RNF6: variants seen among roughly 807,000 people sequenced by gnomAD.
The protein encoded by RNF6 is ring finger protein 6.
RNF6 carries 21 observed loss-of-function variants against 50.1 expected under a neutral mutation model. The ratio of observed to expected loss-of-function variants is 0.42; its 90% confidence interval spans 0.30 to 0.60. RNF6 has a LOEUF of 0.60. RNF6 is among the 20% of genes least tolerant of loss of function. The probability of loss-of-function intolerance (pLI) is 0.20; values close to 1 mark genes in which losing one functional copy is unlikely to be tolerated. For missense variants in RNF6, 698 were observed against 838.2 expected (o/e 0.83, Z 2.07); for synonymous variants, 255 against 291.8 (o/e 0.87, Z 1.29).
chr13:26,219,151 T>C, intron 3 of RNF6: 1 of 204,782 alleles, frequency 4.9e-6, no homozygotes, highest in Non-Finnish European at 9.6e-6. Flanking sequence ...TTAAGTCATA[T>C]TTTATTTGTA....
At chr13:26,175,061 A>T (rs953260355) in intron 5 of RNF6, among the ~76,000 whole-genome samples, 1 of 152,092 alleles carries the variant, frequency 6.6e-6, no homozygotes, top group African/African-American at 2.4e-5. Flanking sequence ...ATTAACCAAG[A>T]TGCTCCCCAT....
At chr13:26,215,864 G>T (rs937719098) in intron 4 of RNF6, among the ~76,000 whole-genome samples, 2 of 152,116 alleles carry the variant, frequency 1.3e-5, no homozygotes, top group African/African-American at 4.8e-5. Flanking sequence ...CTTTCTATCT[G>T]CCCATTACTA....
At chr13:26,142,535 C>T (rs111314589) in intron 5 of RNF6, among the ~76,000 whole-genome samples, 1,553 of 152,220 alleles carry the variant, frequency 0.01, 26 homozygotes, top group African/African-American at 0.035. Context: ...TGGAATACTA[C>T]GCAGCCATAA....
At chr13:26,171,850 T>G (rs985056279) in intron 5 of RNF6, among the ~76,000 whole-genome samples, 2 of 152,166 alleles carry the variant, frequency 1.3e-5, no homozygotes, top group Non-Finnish European at 2.9e-5. Flanking sequence ...CTTAGACTAG[T>G]CAAATTCATA....
chr13:26,195,718 A>G (rs1017776035), intron 5 of RNF6, among the ~76,000 whole-genome samples: 1 of 152,220 alleles, frequency 6.6e-6, no homozygotes, highest in Non-Finnish European at 1.5e-5. Context: ...AAACAAGTAT[A>G]TCTGTCTCCA....
intron 5 of RNF6, among the ~76,000 whole-genome samples, chr13:26,203,124 A>G (rs926787553): frequency 1.3e-5 from 2 of 152,228 alleles, no homozygotes; most frequent in African/African-American, 4.8e-5. Flanking sequence ...ATCTGTCACC[A>G]AAGTCTGTGT....
In RNF6 at chr13:26,214,952, T is replaced by G. The variant is rs1206531325; in HGVS notation, c.930A>C (p.Arg310=). The part of the protein sequence containing the change: ...PIRLRSTSNS[R]SRSPIQRQSG... ...TCTGTCTCTGAATTGGTGAACGGCTTCGACTATTGGAAGTAGATCGTAATC... is the reference window on the plus strand; with the variant it reads ...TCTGTCTCTGAATTGGTGAACGGCTGCGACTATTGGAAGTAGATCGTAATC... The change falls in exon 5 of 5, where the codon CGA becomes CGC. Residue 310 remains arginine (R), a synonymous_variant. Coordinates refer to ENST00000381588, the MANE Select transcript of RNF6 (RefSeq NM_005977.4). 1 of 1,614,096 alleles carries G rather than the reference T, an allele frequency of 6.2e-7. No homozygotes were observed. Among genetic ancestry groups the G allele is most frequent in the East Asian group, 2.2e-5 (1 of 44,890 alleles).
At chr13:26,182,972 T>C (rs1363412157) in intron 5 of RNF6, among the ~76,000 whole-genome samples, 1 of 152,228 alleles carries the variant, frequency 6.6e-6, no homozygotes, top group African/African-American at 2.4e-5. Context: ...GTAAGAATTC[T>C]GGGAGATTTG....
chr13:26,139,832 TTTTTC>T (rs1242486427), intron 5 of RNF6, among the ~76,000 whole-genome samples: 5 of 152,126 alleles, frequency 3.3e-5, no homozygotes, highest in African/African-American at 1.2e-4. Flanking sequence ...GTATCTTACT[TTTTTC>T]TTTTCTTTTC....
At chr13:26,176,587 C>G (rs773248770) in intron 5 of RNF6, among the ~76,000 whole-genome samples, 1 of 152,134 alleles carries the variant, frequency 6.6e-6, no homozygotes, top group African/African-American at 2.4e-5. Flanking sequence ...GTATTCAAGT[C>G]GAGATGTTTA....
At chr13:26,217,480 C>A (rs1289335510) in intron 4 of RNF6, among the ~76,000 whole-genome samples, 1 of 152,204 alleles carries the variant, frequency 6.6e-6, no homozygotes, top group Non-Finnish European at 1.5e-5. Context: ...AGACTAAGTT[C>A]TCATGAATGG....
At position 26,222,273 on chromosome 13, in the gene RNF6, G is replaced by T. The variant is rs1006163291; in HGVS notation, c.-372C>A. The stretch of plus-strand genomic sequence containing the variant: ...CAGCCACGCCGCCCACTTGGCGGCG[G>T]GGAGTCGCTCCGCAGCCGGCCCGGA... On this transcript the variant is annotated 5_prime_UTR_variant, in exon 1 of 5. Coordinates refer to ENST00000381588, the MANE Select transcript of RNF6 (RefSeq NM_005977.4). 1 of 152,312 alleles carries T rather than the reference G, an allele frequency of 6.6e-6. No individual in the cohort carries two copies. The highest frequency in any genetic ancestry group is 2.4e-5 in the African/African-American group (1 of 41,460). 9.4% of individuals were successfully genotyped at this position (152,312 alleles called of 1,614,324 possible). A position where few individuals can be genotyped will look rare whatever the true frequency, so the allele number is the denominator to read the frequency against.
At chr13:26,221,510 CT>C (rs1566446765) in intron 1 of RNF6, 180 bp from the exon 2 acceptor site, 1 of 152,254 alleles carries the variant, frequency 6.6e-6, no homozygotes, top group Non-Finnish European at 1.5e-5. Flanking sequence ...CGCAAGGCCC[CT>C]ACCTTCCGCA....
At chr13:26,139,205 A>G (rs1004551756) in intron 5 of RNF6, among the ~76,000 whole-genome samples, 4 of 152,026 alleles carry the variant, frequency 2.6e-5, no homozygotes, top group Admixed American at 6.6e-5. Context: ...CACCAAGCCA[A>G]TATTTCCCTA....
chr13:26,204,496 C>CAAAAAAAAAAAAA (rs71080239), intron 5 of RNF6, among the ~76,000 whole-genome samples: 4 of 68,952 alleles, frequency 5.8e-5, no homozygotes, highest in Admixed American at 3.0e-4. Flanking sequence ...GACTCCACCT[C>CAAAAAAAAAAAAA]AAAAAAAAAA....
intron 5 of RNF6, among the ~76,000 whole-genome samples, chr13:26,146,001 A>C (rs982557967): frequency 1.2e-4 from 18 of 152,122 alleles, no homozygotes; most frequent in African/African-American, 4.3e-4. Flanking sequence ...TCCATTGATC[A>C]CCTGACCTCT....
chr13:26,174,925 T>C lies in RNF6; in HGVS notation n.768+40549A>G, dbSNP rs1045998296. ...TTGGGGCCCACTCTAACGGCCTCGG[T>C]TGAACTTAATCACCTCTTTAAAGGC... On this transcript the variant is annotated intron_variant and non_coding_transcript_variant, in intron 5 of 5. Coordinates refer to the RNF6 transcript ENST00000468480. 3.9e-5 allele frequency among the ~76,000 whole-genome samples: 6 copies of C among 152,296 alleles called. No individual in the cohort carries two copies. The South Asian group carries it at 1.2e-3, about 32-fold the overall frequency.
chr13:26,172,407 A>C (rs1039663993), intron 5 of RNF6, among the ~76,000 whole-genome samples: 4 of 152,260 alleles, frequency 2.6e-5, no homozygotes, highest in African/African-American at 7.2e-5. Context: ...CATCAGGATA[A>C]AGGAACAATT....
At chr13:26,173,621 G>A (rs1413192089) in intron 5 of RNF6, among the ~76,000 whole-genome samples, 1 of 152,036 alleles carries the variant, frequency 6.6e-6, no homozygotes, top group Admixed American at 6.6e-5. Flanking sequence ...AGGGGTTGGG[G>A]GCAGAAGGAA....
Sources: gnomAD v4.1 joint callset for allele counts (sites outside exome capture counted in the v4.1 genomes callset) on GRCh38, gnomAD v4.1.1 for gene constraint, MANE v1.5 for transcripts, NCBI Gene and HGNC (gene_info 2026-07-23, HGNC 2026-07-21) for gene names.